The following DMXL1 variants were observed in gnomAD, a reference collection of about 807,000 sequenced individuals.
The protein encoded by DMXL1 is dmX-like protein 1.
Under a neutral mutation model 319.2 loss-of-function variants are expected in DMXL1, and 99 were observed. The observed-to-expected ratio is 0.31, with a 90% confidence interval of 0.26 to 0.37. The LOEUF is 0.37. Ranked by LOEUF, DMXL1 falls within the 10% of genes least tolerant of loss-of-function variation. The pLI, the probability that DMXL1 is intolerant of heterozygous loss-of-function variation, is 1.00. For missense variants in DMXL1, 3,745 were observed against 3,595.6 expected, an observed-to-expected ratio of 1.04 and a Z score of -1.06; for synonymous variants, 1,385 against 1,235.2, an observed-to-expected ratio of 1.12 and a Z score of -2.54.
intron 3 of DMXL1, among the ~76,000 whole-genome samples, chr5:119,103,134 A>G (rs954468715): frequency 2.0e-5 from 3 of 151,054 alleles, no homozygotes; most frequent in Non-Finnish European, 2.9e-5. Context: ...GAGTCATAGG[A>G]CTGGTTTCTA....
intron 15 of DMXL1, 23 bp from the exon 16 acceptor site, chr5:119,146,813 GA>G: frequency 6.2e-7 from 1 of 1,600,804 alleles, no homozygotes; most frequent in South Asian, 1.1e-5. Context: ...TAGTAACAGT[GA>G]AAAATATCAT....
chr5:119,080,252 C>T (rs1349103360), intron 1 of DMXL1, among the ~76,000 whole-genome samples: 1 of 152,080 alleles, frequency 6.6e-6, no homozygotes, highest in Non-Finnish European at 1.5e-5. Flanking sequence ...GAGGTTGAGG[C>T]AGGATAATTG....
intron 41 of DMXL1, among the ~76,000 whole-genome samples, chr5:119,239,396 G>A (rs1272807570): frequency 1.3e-5 from 2 of 152,092 alleles, no homozygotes; most frequent in African/African-American, 4.8e-5. Context: ...ACTAGAAACA[G>A]GATTGTAAGA....
At chr5:119,187,142 T>G (rs945420729) in intron 28 of DMXL1, among the ~76,000 whole-genome samples, 2 of 152,166 alleles carry the variant, frequency 1.3e-5, no homozygotes, top group African/African-American at 4.8e-5. Context: ...GTCAGGACAT[T>G]ATTCTGTTTT....
At chr5:119,239,223 G>A (rs1788311191) in intron 41 of DMXL1, 143 bp downstream of exon 41, 6 of 918,466 alleles carry the variant, frequency 6.5e-6, no homozygotes, top group Non-Finnish European at 9.6e-6. Context: ...TATTGGCCAT[G>A]TTATTCCAGC....
chr5:119,129,535 T>C, intron 10 of DMXL1, 112 bp downstream of exon 10: 1 of 708,724 alleles, frequency 1.4e-6, no homozygotes, highest in Non-Finnish European at 2.3e-6. Context: ...AATGACATGA[T>C]CCAAACATGG....
At chr5:119,100,323 C>T (rs1294124880) in intron 2 of DMXL1, among the ~76,000 whole-genome samples, 8 of 151,514 alleles carry the variant, frequency 5.3e-5, no homozygotes, top group African/African-American at 1.9e-4. Flanking sequence ...GTAATCCCAG[C>T]TACTCAGGAG....
Position 119,158,190 on chromosome 5 carries a change from C to T in DMXL1, c.4702+6154C>T, listed in dbSNP as rs888749879. On this transcript the variant is annotated intron_variant, in intron 19 of 43. Coordinates refer to ENST00000539542, the MANE Select transcript of DMXL1 (RefSeq NM_001290321.3). ...TACAGATGTGAGCCACCGGCCTGGC[C>T]GATATATTTCTAAGGTTTTTTTTTT... Among the ~76,000 whole-genome samples, 39 of 149,882 alleles carry T rather than the reference C, an allele frequency of 2.6e-4. 1 individual carries two copies. The highest frequency in any genetic ancestry group is 2.4e-3 in the Admixed American group (36 of 15,098).
chr5:119,188,886 C>T (rs1194964342), intron 28 of DMXL1, among the ~76,000 whole-genome samples: 1 of 152,170 alleles, frequency 6.6e-6, no homozygotes, highest in African/African-American at 2.4e-5. Context: ...ATTTGCATTC[C>T]TTTGGAAGGT....
chr5:119,119,875 G>C (rs1761661260), intron 8 of DMXL1, among the ~76,000 whole-genome samples: 1 of 151,546 alleles, frequency 6.6e-6, no homozygotes, highest in African/African-American at 2.4e-5. Flanking sequence ...TTTGGGTGGG[G>C]GAGTTGTTTT....
intron 1 of DMXL1, among the ~76,000 whole-genome samples, chr5:119,082,041 A>G (rs1192062676): frequency 6.7e-6 from 1 of 148,230 alleles, no homozygotes; most frequent in African/African-American, 2.5e-5. Context: ...ACACACACAC[A>G]CACACACACA....
chr5:119,215,845 C>T (rs569746746), intron 34 of DMXL1, among the ~76,000 whole-genome samples: 1 of 152,002 alleles, frequency 6.6e-6, no homozygotes, highest in South Asian at 2.1e-4. Flanking sequence ...GCCCATAATC[C>T]CAGCATTTGG....
intron 32 of DMXL1, among the ~76,000 whole-genome samples, chr5:119,203,007 A>G (rs1781105363): frequency 6.6e-6 from 1 of 151,084 alleles, no homozygotes; most frequent in African/African-American, 2.4e-5. Context: ...ATATATTCAA[A>G]TATTTCAAAA....
intron 32 of DMXL1, among the ~76,000 whole-genome samples, chr5:119,202,690 A>G (rs1327147532): frequency 6.6e-6 from 1 of 151,492 alleles, no homozygotes; most frequent in Non-Finnish European, 1.5e-5. Context: ...GTCTCTACTA[A>G]AAATACAAAA....
intron 10 of DMXL1, chr5:119,132,585 C>T (rs374429234): frequency 5.5e-5 from 15 of 270,422 alleles, no homozygotes; most frequent in South Asian, 1.1e-4. Flanking sequence ...GAGGCTGAGG[C>T]GGAATTGCTT....
intron 1 of DMXL1, among the ~76,000 whole-genome samples, chr5:119,088,194 A>G (rs1220256737): frequency 6.6e-6 from 1 of 152,224 alleles, no homozygotes; most frequent in Non-Finnish European, 1.5e-5. Context: ...CTTTATCGTT[A>G]TATAGTAATC....
chr5:119,167,760 A>G lies in DMXL1; in HGVS notation c.5294A>G (p.Asn1765Ser), dbSNP rs568340548. 1.2e-5 allele frequency: 19 copies of G among 1,613,680 alleles called. No homozygotes were observed. In the East Asian group the frequency reaches 3.6e-4, roughly 30 times the overall value. The change falls in exon 23 of 44, where the codon AAT becomes AGT. Residue 1765 changes from asparagine (N) to serine (S), a missense_variant. Asn to Ser is a conservative substitution (Grantham distance 46). This residue lies in a region of DMXL1 where 1,382 missense variants were observed against 1,269.5 expected (regional missense o/e 1.09). Coordinates refer to ENST00000539542, the MANE Select transcript of DMXL1 (RefSeq NM_001290321.3). ...PVSELCSLNI[N>S]MHHDPFLRSM... is the part of the protein sequence containing the mutation. ...AGTGAACTGTGTTCATTGAACATAA[A>G]TATGCATCATGATCCTTTTCTTCGG...
chr5:119,209,782 T>C (rs1782415425), intron 34 of DMXL1, among the ~76,000 whole-genome samples: 1 of 152,244 alleles, frequency 6.6e-6, no homozygotes, highest in African/African-American at 2.4e-5. Context: ...TTGCCATTTG[T>C]CTATCTTTCT....
intron 13 of DMXL1, among the ~76,000 whole-genome samples, chr5:119,142,060 T>C (rs1767496394): frequency 6.6e-6 from 1 of 152,132 alleles, no homozygotes; most frequent in Non-Finnish European, 1.5e-5. Flanking sequence ...GCTAGCCATA[T>C]GTAGAAAATT....
Sources: gnomAD v4.1 joint callset for allele counts (sites outside exome capture counted in the v4.1 genomes callset) on GRCh38, gnomAD v4.1.1 for gene constraint, gnomAD v4.1.1 regional missense constraint, MANE v1.5 for transcripts, NCBI Gene and HGNC (gene_info 2026-07-23, HGNC 2026-07-21) for gene names.